Variants in GNAS-AS1 observed in about 807,000 individuals in gnomAD.
GNAS-AS1 encodes GNAS antisense RNA 1.
intron 2 of GNAS-AS1, among the ~76,000 whole-genome samples, chr20:58,848,437 C>G (rs576606916): frequency 6.6e-6 from 1 of 152,348 alleles, no homozygotes; most frequent in East Asian, 1.9e-4. Context: ...AATAGACTTT[C>G]CTTCCTCAGT....
In GNAS-AS1 at chr20:58,822,796, C is replaced by T. The variant is rs183504992; in HGVS notation, n.820-3541G>A. 5.9e-5 allele frequency among the ~76,000 whole-genome samples: 9 copies of T among 152,124 alleles called. No homozygotes were observed. In the East Asian group the frequency reaches 7.7e-4, roughly 13 times the overall value. ...AGATAAATAAGTCGCCCCAAGGCCC[C>T]GGAGTGGAAAGCAGGGTGCTGAGGT... On this transcript the variant is annotated intron_variant and non_coding_transcript_variant, in intron 4 of 4. Coordinates refer to ENST00000424094, the Ensembl canonical transcript of GNAS-AS1.
At chr20:58,831,259 G>A (rs1460212208) in intron 4 of GNAS-AS1, among the ~76,000 whole-genome samples, 7 of 152,238 alleles carry the variant, frequency 4.6e-5, no homozygotes, top group Non-Finnish European at 8.8e-5. Context: ...CACTGTGCCC[G>A]GCCAGACCAC....
intron 2 of GNAS-AS1, among the ~76,000 whole-genome samples, chr20:58,847,945 CTGTT>C (rs1339859089): frequency 1.3e-5 from 2 of 152,206 alleles, no homozygotes; most frequent in African/African-American, 2.4e-5. Flanking sequence ...AGAGGTGAGA[CTGTT>C]TGGGAGGCCC....
chr20:58,848,534 T>C (rs2086028506), intron 2 of GNAS-AS1, among the ~76,000 whole-genome samples: 1 of 152,240 alleles, frequency 6.6e-6, no homozygotes, highest in Admixed American at 6.5e-5. Context: ...TATACAATTA[T>C]AATGGCAGAT....
intron 4 of GNAS-AS1, among the ~76,000 whole-genome samples, chr20:58,830,443 CCACCACCACCAT>C (rs2085553906): frequency 9.4e-6 from 1 of 105,978 alleles, no homozygotes; most frequent in Non-Finnish European, 2.0e-5. Context: ...ACCATCATTA[CCACCACCACCAT>C]CACCACCACC....
Position 58,841,447 on chromosome 20 carries a change from G to A in GNAS-AS1, n.819+490C>T. 2 of 993,830 alleles carry A rather than the reference G, an allele frequency of 2.0e-6. No individual in the cohort carries two copies. Among genetic ancestry groups the A allele is most frequent in the South Asian group, 4.5e-5 (1 of 22,036 alleles). 61.6% of individuals were successfully genotyped at this position (993,830 alleles called of 1,614,324 possible). ...CACCCGGGAGGGAAGTCACGCGCGC[G>A]CGGCGCCTAAGCAGCTCAGAGCCGG... On this transcript the variant is annotated intron_variant and non_coding_transcript_variant, in intron 4 of 4. Transcript: ENST00000424094. This position sits in a 1 kb window ranked among gnomAD's most constrained non-coding sequence, Gnocchi z 5.0.
At chr20:58,833,329 C>A (rs2085579792) in intron 4 of GNAS-AS1, among the ~76,000 whole-genome samples, 2 of 152,144 alleles carry the variant, frequency 1.3e-5, no homozygotes, top group African/African-American at 4.8e-5. Context: ...GGAAGGACTC[C>A]CAATTTATGA....
At chr20:58,833,022 T>C (rs1315825945) in intron 4 of GNAS-AS1, among the ~76,000 whole-genome samples, 1 of 152,282 alleles carries the variant, frequency 6.6e-6, no homozygotes, top group African/African-American at 2.4e-5. Flanking sequence ...CCAGGGACCC[T>C]GCACCATCTC....
intron 4 of GNAS-AS1, among the ~76,000 whole-genome samples, chr20:58,832,776 C>G (rs1487721793): frequency 6.6e-6 from 1 of 152,178 alleles, no homozygotes; most frequent in Non-Finnish European, 1.5e-5. Flanking sequence ...ACTAACTGAG[C>G]AAGGTCAAAA....
In GNAS-AS1 at chr20:58,841,353, T is replaced by C. The variant is rs1157949549; in HGVS notation, n.819+584A>G. On this transcript the variant is annotated intron_variant and non_coding_transcript_variant, in intron 4 of 4. Transcript: ENST00000424094. This position sits in a 1 kb window ranked among gnomAD's most constrained non-coding sequence, Gnocchi z 5.0. The stretch of plus-strand genomic sequence containing the variant: ...TTTCACGATGTGAGAGCAGCCGCGC[T>C]GTAGAGACACCGTTGAAATGTGCGG... The C allele has an allele frequency of 1.9e-6, 2 of 1,048,760 alleles. No homozygotes were observed. Among genetic ancestry groups the C allele is most frequent in the African/African-American group, 1.7e-5 (1 of 58,744 alleles). 65.0% of individuals were successfully genotyped at this position (1,048,760 alleles called of 1,614,324 possible).
intron 4 of GNAS-AS1, among the ~76,000 whole-genome samples, chr20:58,833,458 A>G (rs988770481): frequency 7.2e-5 from 11 of 152,130 alleles, no homozygotes; most frequent in Admixed American, 2.0e-4. Flanking sequence ...GCTCCATGAT[A>G]TTTTATCATG....
rs186004265 is a variant in GNAS-AS1, at chr20:58,841,349, G to A, written n.819+588C>T. 443 of 1,051,230 alleles carry A rather than the reference G, an allele frequency of 4.2e-4. 3 individuals are homozygous for A. The African/African-American group carries it at 7.2e-3, about 17-fold the overall frequency. 65.1% of individuals were successfully genotyped at this position (1,051,230 alleles called of 1,614,324 possible). Reference sequence around the variant, plus strand: ...CAACTTTCACGATGTGAGAGCAGCCGCGCTGTAGAGACACCGTTGAAATGT... The same window carrying A: ...CAACTTTCACGATGTGAGAGCAGCCACGCTGTAGAGACACCGTTGAAATGT... On this transcript the variant is annotated intron_variant and non_coding_transcript_variant, in intron 4 of 4. Coordinates refer to ENST00000424094, the Ensembl canonical transcript of GNAS-AS1. This position sits in a 1 kb window ranked among gnomAD's most constrained non-coding sequence, Gnocchi z 5.0.
In GNAS-AS1 at chr20:58,842,000, C is replaced by T; in HGVS notation, n.756G>A. The T allele has an allele frequency of 3.3e-6, 3 of 901,032 alleles. No individual in the cohort carries two copies. Among genetic ancestry groups the T allele is most frequent in the Non-Finnish European group, 4.4e-6 (3 of 685,534 alleles). 55.8% of individuals were successfully genotyped at this position (901,032 alleles called of 1,614,324 possible). On this transcript the variant is annotated non_coding_transcript_exon_variant, in exon 4 of 5. Coordinates refer to ENST00000424094, the Ensembl canonical transcript of GNAS-AS1. The surrounding 1 kb of genome is among the most constrained non-coding windows in gnomAD (Gnocchi z 5.0). ...GAAAGGTGTTGGATCCGGCGCCAGT[C>T]CTTGGACGATCAGTCGTCGAAAAGG...
intron 4 of GNAS-AS1, among the ~76,000 whole-genome samples, chr20:58,833,173 T>G (rs1265119807): frequency 6.6e-6 from 1 of 152,234 alleles, no homozygotes; most frequent in Non-Finnish European, 1.5e-5. Flanking sequence ...CTTTTCTTTT[T>G]ATATGTGGCT....
At chr20:58,844,685 A>T (rs1600671090) in intron 2 of GNAS-AS1, among the ~76,000 whole-genome samples, 2 of 152,060 alleles carry the variant, frequency 1.3e-5, no homozygotes, top group East Asian at 3.9e-4. Context: ...TACACTAGTG[A>T]TTTAACCCTA....
At position 58,823,559 on chromosome 20, in the gene GNAS-AS1, A is replaced by G. The variant is rs559557826; in HGVS notation, n.820-4304T>C. Among the ~76,000 whole-genome samples the G allele has an allele frequency of 3.1e-3, 468 of 152,302 alleles. 3 individuals are homozygous for G. Among genetic ancestry groups the G allele is most frequent in the African/African-American group, 0.011 (446 of 41,570 alleles). On this transcript the variant is annotated intron_variant and non_coding_transcript_variant, in intron 4 of 4. Transcript: ENST00000424094. ...CCGTCTCCCGACCCCAGTGGGCCCC[A>G]TGGCCTTGCTATTAATACAGTGCAA...
intron 4 of GNAS-AS1, among the ~76,000 whole-genome samples, chr20:58,821,440 T>C (rs4810145): frequency 0.47 from 72,081 of 152,134 alleles, 17,801 homozygotes; most frequent in East Asian, 0.67. Context: ...GACTCCACGA[T>C]TTTCCTGCTG....
At position 58,840,401 on chromosome 20, in the gene GNAS-AS1, G is replaced by A. The variant is rs1364586789; in HGVS notation, n.819+1536C>T. Reference sequence around the variant, plus strand: ...GGCAGACCTTGAGCTGTCCCTCCCCGAGTGCCTAGAGTACGAGGAAGAGTT... The same window carrying A: ...GGCAGACCTTGAGCTGTCCCTCCCCAAGTGCCTAGAGTACGAGGAAGAGTT... On this transcript the variant is annotated intron_variant and non_coding_transcript_variant, in intron 4 of 4. Transcript: ENST00000424094. This position sits in a 1 kb window ranked among gnomAD's most constrained non-coding sequence, Gnocchi z 6.0. 3.7e-6 allele frequency: 6 copies of A among 1,613,514 alleles called. No individual in the cohort carries two copies. The highest frequency in any genetic ancestry group is 4.2e-6 in the Non-Finnish European group (5 of 1,179,972).
At chr20:58,830,027 A>G (rs544679375) in intron 4 of GNAS-AS1, among the ~76,000 whole-genome samples, 1 of 152,214 alleles carries the variant, frequency 6.6e-6, no homozygotes, top group South Asian at 2.1e-4. Flanking sequence ...AGTGAAATTA[A>G]AAAGAAAAAT....
Sources: allele counts gnomAD v4.1 joint callset (sites outside exome capture counted in the v4.1 genomes callset), GRCh38; gene constraint gnomAD v4.1.1; non-coding constraint Gnocchi (gnomAD v3.1); transcripts MANE v1.5; gene names NCBI Gene and HGNC (gene_info 2026-07-23, HGNC 2026-07-21).